Variants in CNTN4 observed in about 807,000 individuals in gnomAD.
CNTN4 encodes contactin-4.
Under a neutral mutation model 122.5 loss-of-function variants are expected in CNTN4, and 77 were observed. The observed-to-expected ratio is 0.63, with a 90% confidence interval of 0.52 to 0.76. The LOEUF is 0.76. Among genes scored for constraint, CNTN4 ranks in the 30% least tolerant of loss-of-function variants. CNTN4 has a pLI of 0.00. For missense variants in CNTN4, 1,256 were observed against 1,259.1 expected, an observed-to-expected ratio of 1.00 and a Z score of 0.04; for synonymous variants, 512 against 447.0, an observed-to-expected ratio of 1.15 and a Z score of -1.83.
intron 6 of CNTN4, among the ~76,000 whole-genome samples, chr3:2,778,411 C>A (rs907921641): frequency 1.4e-5 from 2 of 146,076 alleles, no homozygotes; most frequent in African/African-American, 4.9e-5. Flanking sequence ...ATGAGCCACT[C>A]ATGATTTTTT....
At chr3:2,180,888 C>T (rs2036984553) in intron 2 of CNTN4, among the ~76,000 whole-genome samples, 1 of 151,978 alleles carries the variant, frequency 6.6e-6, no homozygotes, top group Admixed American at 6.6e-5. Flanking sequence ...CAAGGTCAAA[C>T]CCAGAGTAAA....
chr3:2,746,472 A>G (rs1239772119), intron 6 of CNTN4, among the ~76,000 whole-genome samples: 1 of 152,266 alleles, frequency 6.6e-6, no homozygotes, highest in African/African-American at 2.4e-5. Flanking sequence ...AGCAATTAGC[A>G]TACATTTGGG....
intron 8 of CNTN4, among the ~76,000 whole-genome samples, chr3:2,874,764 C>A (rs2150913820): frequency 6.6e-6 from 1 of 152,264 alleles, no homozygotes; most frequent in Non-Finnish European, 1.5e-5. Flanking sequence ...CCCAAACTTC[C>A]ATGAAGAGTC....
chr3:3,039,665 T>G (rs866191822), intron 19 of CNTN4: 10 of 262,984 alleles, frequency 3.8e-5, no homozygotes, highest in Admixed American at 9.9e-5. Flanking sequence ...TTCAGTGAGA[T>G]CTTTTGTCTA....
chr3:2,639,465 A>G (rs1271726216), intron 4 of CNTN4, among the ~76,000 whole-genome samples: 3 of 152,140 alleles, frequency 2.0e-5, no homozygotes, highest in African/African-American at 4.8e-5. Flanking sequence ...TTCCTACTGC[A>G]TCTTACGCAC....
intron 3 of CNTN4, among the ~76,000 whole-genome samples, chr3:2,562,140 T>C (rs1404711875): frequency 3.3e-5 from 5 of 152,228 alleles, no homozygotes; most frequent in African/African-American, 1.2e-4. Context: ...TACAATTGCC[T>C]GCTGTTCTAA....
chr3:2,104,995 C>T (rs1197936017), intron 2 of CNTN4, among the ~76,000 whole-genome samples: 1 of 152,152 alleles, frequency 6.6e-6, no homozygotes, highest in Non-Finnish European at 1.5e-5. Context: ...GGAACCAGGT[C>T]TTGTCGGGAA....
intron 2 of CNTN4, among the ~76,000 whole-genome samples, chr3:2,310,544 G>A (rs1283414488): frequency 2.0e-5 from 3 of 152,094 alleles, no homozygotes; most frequent in African/African-American, 7.2e-5. Context: ...CTCAGCACAT[G>A]CTACCTCATC....
intron 3 of CNTN4, among the ~76,000 whole-genome samples, chr3:2,413,116 G>C (rs1401020725): frequency 6.6e-6 from 1 of 152,118 alleles, no homozygotes; most frequent in Non-Finnish European, 1.5e-5. Flanking sequence ...ATGTAGATTA[G>C]GTTGATCTAA....
intron 2 of CNTN4, among the ~76,000 whole-genome samples, chr3:2,225,160 C>CCCAA (rs10632045): frequency 6.0e-4 from 89 of 149,250 alleles, no homozygotes; most frequent in African/African-American, 2.1e-3. Flanking sequence ...CCACCACCCC[C>CCCAA]AAAAAAAAAG....
chr3:2,485,031 A>C lies in CNTN4; in HGVS notation c.-88-86385A>C, dbSNP rs954587915. Among the ~76,000 whole-genome samples the C allele has an allele frequency of 3.3e-5, 5 of 152,286 alleles. No homozygotes were observed. In the South Asian group the frequency reaches 1.0e-3, roughly 32 times the overall value. ...CGGGCTGGTGCCACTGGCCCCGGGCAGTGAGTGGCTTAGCACCCTGGCCAG... is the reference window on the plus strand; with the variant it reads ...CGGGCTGGTGCCACTGGCCCCGGGCCGTGAGTGGCTTAGCACCCTGGCCAG... On this transcript the variant is annotated intron_variant, in intron 3 of 24. Coordinates refer to ENST00000418658, the MANE Select transcript of CNTN4 (RefSeq NM_175607.3).
intron 4 of CNTN4, among the ~76,000 whole-genome samples, chr3:2,711,428 A>G (rs2087144672): frequency 1.3e-5 from 2 of 152,202 alleles, no homozygotes; most frequent in South Asian, 2.1e-4. Flanking sequence ...ATATGAAAGC[A>G]GACACCAGCC....
chr3:2,777,194 T>C (rs1393144073), intron 6 of CNTN4, among the ~76,000 whole-genome samples: 1 of 152,180 alleles, frequency 6.6e-6, no homozygotes, highest in East Asian at 1.9e-4. Flanking sequence ...AAATCACATT[T>C]GTGTTTTATG....
chr3:2,629,904 G>C (rs1029560845), intron 4 of CNTN4, among the ~76,000 whole-genome samples: 4 of 152,134 alleles, frequency 2.6e-5, no homozygotes, highest in Admixed American at 2.0e-4. Flanking sequence ...AACTCAATTT[G>C]AGGGTTTTCT....
At chr3:2,426,282 T>G (rs1479852573) in intron 3 of CNTN4, among the ~76,000 whole-genome samples, 1 of 152,218 alleles carries the variant, frequency 6.6e-6, no homozygotes, top group East Asian at 1.9e-4. Flanking sequence ...CATGAACGGC[T>G]GTTGAATTTT....
intron 2 of CNTN4, among the ~76,000 whole-genome samples, chr3:2,210,675 TGA>T (rs2038575738): frequency 6.6e-6 from 1 of 152,126 alleles, no homozygotes; most frequent in Non-Finnish European, 1.5e-5. Context: ...GCAGCAAGAG[TGA>T]GAGTCTCAAC....
At chr3:2,450,916 A>G (rs2048805813) in intron 3 of CNTN4, among the ~76,000 whole-genome samples, 1 of 152,118 alleles carries the variant, frequency 6.6e-6, no homozygotes, top group East Asian at 1.9e-4. Context: ...TGAGCTCACC[A>G]CTCACATTGT....
intron 2 of CNTN4, among the ~76,000 whole-genome samples, chr3:2,100,934 A>C (rs1175233741): frequency 6.6e-6 from 1 of 152,196 alleles, no homozygotes; most frequent in Admixed American, 6.5e-5. Flanking sequence ...CTAAGAGTCT[A>C]AGAGAAGTGA....
At chr3:2,451,447 T>A (rs2048825284) in intron 3 of CNTN4, among the ~76,000 whole-genome samples, 1 of 80,902 alleles carries the variant, frequency 1.2e-5, no homozygotes. Flanking sequence ...TGGGGAGGTC[T>A]TAAAAAAAAA....
Sources: allele counts gnomAD v4.1 joint callset (sites outside exome capture counted in the v4.1 genomes callset), GRCh38; gene constraint gnomAD v4.1.1; transcripts MANE v1.5; gene names NCBI Gene and HGNC (gene_info 2026-07-23, HGNC 2026-07-21).